KCNIP4: variants seen among roughly 807,000 people sequenced by gnomAD.
The protein encoded by KCNIP4 is potassium voltage-gated channel interacting protein 4.
In KCNIP4, 12 loss-of-function variants were observed where a neutral mutation model predicts 34.0. The ratio of observed to expected loss-of-function variants is 0.35; its 90% CI spans 0.23 to 0.57. The LOEUF is 0.57. Among genes scored for constraint, KCNIP4 ranks in the 20% least tolerant of loss-of-function variants. KCNIP4 has a pLI of 0.83. For synonymous variants in KCNIP4, 124 were observed against 102.2 expected (o/e 1.21, Z -1.29); for missense variants, 238 against 311.7 (o/e 0.76, Z 1.78).
At chr4:20,745,043 C>T (rs1296787972) in intron 5 of KCNIP4, among the ~76,000 whole-genome samples, 2 of 152,148 alleles carry the variant, frequency 1.3e-5, no homozygotes, top group Non-Finnish European at 2.9e-5. Context: ...GACTCAGACT[C>T]TTGCTAGGAA....
intron 1 of KCNIP4, among the ~76,000 whole-genome samples, chr4:21,681,362 C>T (rs762414696): frequency 2.6e-5 from 4 of 152,134 alleles, no homozygotes; most frequent in Non-Finnish European, 4.4e-5. Context: ...CTGCCTTGGC[C>T]TCCCAAAGTG....
At chr4:21,800,660 A>C (rs1424604360) in intron 1 of KCNIP4, among the ~76,000 whole-genome samples, 8 of 152,184 alleles carry the variant, frequency 5.3e-5, no homozygotes, top group African/African-American at 1.9e-4. Context: ...CATCATTCAC[A>C]TGATGATCTA....
intron 1 of KCNIP4, among the ~76,000 whole-genome samples, chr4:21,033,332 G>A (rs1461780887): frequency 6.6e-6 from 1 of 152,010 alleles, no homozygotes; most frequent in East Asian, 1.9e-4. Flanking sequence ...ATTCTTCATA[G>A]GTTTTCCATT....
intron 1 of KCNIP4, among the ~76,000 whole-genome samples, chr4:20,905,087 T>A (rs1727591700): frequency 6.6e-6 from 1 of 152,216 alleles, no homozygotes; most frequent in Non-Finnish European, 1.5e-5. Context: ...GGAAGTGTGT[T>A]ACGTTGCTAG....
At chr4:21,106,068 G>A (rs1460737873) in intron 1 of KCNIP4, among the ~76,000 whole-genome samples, 1 of 151,470 alleles carries the variant, frequency 6.6e-6, no homozygotes, top group African/African-American at 2.4e-5. Flanking sequence ...TTTTTTGGTT[G>A]TGTCTCTGCC....
At chr4:21,848,683 T>G (rs1724174728) in intron 1 of KCNIP4, 1 of 152,112 alleles carries the variant, frequency 6.6e-6, no homozygotes. Context: ...GAGAGGTTCT[T>G]GATCATCACC....
intron 2 of KCNIP4, among the ~76,000 whole-genome samples, chr4:20,876,214 T>A (rs753297175): frequency 6.6e-6 from 1 of 152,160 alleles, no homozygotes; most frequent in Non-Finnish European, 1.5e-5. Context: ...GAATGTTTTA[T>A]CTTTTGTATT....
intron 1 of KCNIP4, among the ~76,000 whole-genome samples, chr4:21,659,206 A>G (rs1246838251): frequency 6.6e-6 from 1 of 152,200 alleles, no homozygotes; most frequent in Non-Finnish European, 1.5e-5. Context: ...CATATGAGAC[A>G]AAAGATAATA....
At chr4:21,487,964 A>C (rs189014319) in intron 1 of KCNIP4, among the ~76,000 whole-genome samples, 28 of 152,184 alleles carry the variant, frequency 1.8e-4, no homozygotes, top group Middle Eastern at 6.8e-3. Flanking sequence ...CCATTTCTCC[A>C]AGGAGTCCTG....
intron 1 of KCNIP4, among the ~76,000 whole-genome samples, chr4:21,498,347 A>C (rs1733020818): frequency 1.3e-5 from 2 of 152,174 alleles, no homozygotes; most frequent in African/African-American, 4.8e-5. Context: ...ACAACAGCTG[A>C]AAGCCTGTGG....
intron 1 of KCNIP4, among the ~76,000 whole-genome samples, chr4:21,623,022 G>A (rs1293051058): frequency 2.6e-5 from 4 of 152,174 alleles, no homozygotes; most frequent in Non-Finnish European, 5.9e-5. Flanking sequence ...ACTTAAATGA[G>A]ATTAAAGATG....
intron 1 of KCNIP4, among the ~76,000 whole-genome samples, chr4:21,577,102 A>G (rs758144843): frequency 6.6e-6 from 1 of 152,188 alleles, no homozygotes; most frequent in Non-Finnish European, 1.5e-5. Flanking sequence ...CCAGTCATAT[A>G]TAGTATTAAA....
chr4:21,158,041 A>G (rs573927531), intron 1 of KCNIP4, among the ~76,000 whole-genome samples: 2 of 151,000 alleles, frequency 1.3e-5, no homozygotes, highest in Non-Finnish European at 1.5e-5. Flanking sequence ...AAACATTGTG[A>G]AAAAAAAACA....
At chr4:21,711,827 C>G (rs1713751851) in intron 1 of KCNIP4, among the ~76,000 whole-genome samples, 1 of 152,064 alleles carries the variant, frequency 6.6e-6, no homozygotes, top group Non-Finnish European at 1.5e-5. Flanking sequence ...GGAAAGGCAC[C>G]AGGATGAGAA....
At chr4:21,344,802 G>A (rs1717128278) in intron 1 of KCNIP4, among the ~76,000 whole-genome samples, 1 of 152,156 alleles carries the variant, frequency 6.6e-6, no homozygotes, top group Admixed American at 6.5e-5. Flanking sequence ...TTAAAGTCAT[G>A]TTGTTAGTAA....
In KCNIP4 at chr4:21,307,879, C is replaced by T. The variant is rs772409173; in HGVS notation, c.62-425170G>A. On this transcript the variant is annotated intron_variant, in intron 1 of 8. Transcript: ENST00000382152. ...TTAATGTGAATATGATTTGTGGTTC[C>T]TGCCCACGTGAACAATGAAAGCAAT... Among the ~76,000 whole-genome samples the T allele has an allele frequency of 3.3e-5, 5 of 152,100 alleles. No individual in the cohort carries two copies. In the South Asian group the frequency reaches 6.2e-4, roughly 19 times the overall value.
chr4:21,833,989 C>T (rs1200887772), intron 1 of KCNIP4, among the ~76,000 whole-genome samples: 1 of 151,952 alleles, frequency 6.6e-6, no homozygotes, highest in Non-Finnish European at 1.5e-5. Context: ...GTTTTGGTTA[C>T]TGTAGCCTTG....
intron 1 of KCNIP4, chr4:21,304,013 G>GGGA (rs1285974236): frequency 8.1e-7 from 1 of 1,239,376 alleles, no homozygotes; most frequent in Non-Finnish European, 1.0e-6. Context: ...CTGGAGAAAG[G>GGGA]GGAGGAGGAG....
chr4:21,419,068 A>T (rs1388842453), intron 1 of KCNIP4, among the ~76,000 whole-genome samples: 1 of 152,200 alleles, frequency 6.6e-6, no homozygotes, highest in South Asian at 2.1e-4. Context: ...CCTGTCCTCC[A>T]TAATGCACTA....
Sources: gnomAD v4.1 joint callset for allele counts (sites outside exome capture counted in the v4.1 genomes callset) on GRCh38, gnomAD v4.1.1 for gene constraint, MANE v1.5 for transcripts, NCBI Gene and HGNC (gene_info 2026-07-23, HGNC 2026-07-21) for gene names.